The following GALNT18 variants were observed in gnomAD, a reference collection of about 807,000 sequenced individuals.
GALNT18 encodes the protein GalNAc-transferase 18.
In GALNT18, 44 loss-of-function variants were observed where a neutral mutation model predicts 69.5. That is an observed-to-expected ratio of 0.63 (90% CI 0.50 to 0.81). The LOEUF (loss-of-function observed/expected upper bound fraction) is 0.81, where lower values mean the gene tolerates loss of function less well. Among genes scored for constraint, GALNT18 ranks in the 40% least tolerant of loss-of-function variants. GALNT18 has a pLI of 0.00. For missense variants in GALNT18, 715 were observed against 810.0 expected, an observed-to-expected ratio of 0.88 and a Z score of 1.42; for synonymous variants, 364 against 318.2, an observed-to-expected ratio of 1.14 and a Z score of -1.53.
At position 11,337,741 on chromosome 11, in the gene GALNT18, G is replaced by A. The variant is rs1448614159; in HGVS notation, c.1278+3078C>T. 2.6e-5 allele frequency among the ~76,000 whole-genome samples: 4 copies of A among 152,030 alleles called. No individual in the cohort carries two copies. The highest frequency in any genetic ancestry group is 2.1e-4 in the South Asian group (1 of 4,824). ...ATTCCAAGCAGGATGAACAAGCACC[G>A]AGGTGTGAGAAACAGCATGGCATGG... On this transcript the variant is annotated intron_variant, in intron 7 of 10. Transcript: ENST00000227756. The surrounding 1 kb of genome is among the most constrained non-coding windows in gnomAD (Gnocchi z 4.9).
chr11:11,379,118 C>A lies in GALNT18; in HGVS notation c.742G>T (p.Ala248Ser). ...GWRAATAPVV[A>S]LFDAHVEFNV... ...AACTCCACGTGGGCATCAAAGAGTG[C>A]CACCACAGGGGCAGTGGCCGCCCTC... The change falls in exon 4 of 11, where the codon GCA becomes TCA. Residue 248 changes from alanine to serine, a missense_variant. By Grantham distance (99) the Ala-to-Ser change is moderately conservative. Coordinates refer to ENST00000227756, the MANE Select transcript of GALNT18 (RefSeq NM_198516.3). The A allele has an allele frequency of 2.5e-6, 4 of 1,609,820 alleles. No homozygotes were observed. The highest frequency in any genetic ancestry group is 3.4e-6 in the Non-Finnish European group (4 of 1,179,656).
Position 11,454,427 on chromosome 11 carries a change from GGAGT to G in GALNT18, c.236-5495_236-5492del, listed in dbSNP as rs1317336273. On this transcript the variant is annotated intron_variant, in intron 1 of 10. Transcript: ENST00000227756. The surrounding 1 kb of genome is among the most constrained non-coding windows in gnomAD (Gnocchi z 4.2). Reference sequence around the variant, plus strand: ...AAGTATCCAGAATAGGACTGTGCATGGAGTAATTACCCCCAAAATATAGGGAGAA... The same window carrying G: ...AAGTATCCAGAATAGGACTGTGCATGAATTACCCCCAAAATATAGGGAGAA... 1.3e-5 allele frequency among the ~76,000 whole-genome samples: 2 copies of G among 152,090 alleles called. No individual in the cohort carries two copies. Among genetic ancestry groups the G allele is most frequent in the Non-Finnish European group, 2.9e-5 (2 of 68,024 alleles).
At chr11:11,612,092 G>A (rs913380910) in intron 1 of GALNT18, among the ~76,000 whole-genome samples, 2 of 152,114 alleles carry the variant, frequency 1.3e-5, no homozygotes, top group Middle Eastern at 3.2e-3. Context: ...TTTGTAGCCA[G>A]TTTCCCTTCT....
At chr11:11,358,190 AG>A (rs1850570352) in intron 6 of GALNT18, among the ~76,000 whole-genome samples, 1 of 138,980 alleles carries the variant, frequency 7.2e-6, no homozygotes, top group African/African-American at 2.7e-5. Flanking sequence ...TTTTTACCTT[AG>A]TTTTATAGTT....
chr11:11,424,629 T>A (rs1855086387), intron 3 of GALNT18, among the ~76,000 whole-genome samples: 1 of 152,154 alleles, frequency 6.6e-6, no homozygotes, highest in Non-Finnish European at 1.5e-5. Context: ...CTGGTCACCT[T>A]GGCTAGTCTG....
At chr11:11,521,261 T>C (rs1857392675) in intron 1 of GALNT18, among the ~76,000 whole-genome samples, 2 of 152,098 alleles carry the variant, frequency 1.3e-5, no homozygotes, top group South Asian at 2.1e-4. Flanking sequence ...ACTATCTGGA[T>C]ACAAACAGGG....
chr11:11,567,984 A>T (rs1387091032), intron 1 of GALNT18, among the ~76,000 whole-genome samples: 1 of 152,188 alleles, frequency 6.6e-6, no homozygotes, highest in African/African-American at 2.4e-5. Flanking sequence ...CTTGTGACTC[A>T]CAAAGGCCTG....
Position 11,524,130 on chromosome 11 carries a change from C to T in GALNT18, c.236-75194G>A, listed in dbSNP as rs375495838. 1.3e-4 allele frequency among the ~76,000 whole-genome samples: 20 copies of T among 152,232 alleles called. No individual in the cohort carries two copies. In the East Asian group the frequency reaches 3.5e-3, roughly 26 times the overall value. The stretch of plus-strand genomic sequence containing the variant: ...CCAAGAAAGGCTAGAAATCACTTAT[C>T]TAGTAGAAGCCTGTTCTGATCAGCC... On this transcript the variant is annotated intron_variant, in intron 1 of 10. Transcript: ENST00000227756.
intron 1 of GALNT18, among the ~76,000 whole-genome samples, chr11:11,524,653 C>G (rs971097543): frequency 7.9e-5 from 12 of 152,222 alleles, no homozygotes; most frequent in African/African-American, 2.9e-4. Flanking sequence ...GCAGCCACAA[C>G]TGACTCACAC....
Position 11,582,159 on chromosome 11 carries a change from A to C in GALNT18, c.235+39200T>G, listed in dbSNP as rs985843250. On this transcript the variant is annotated intron_variant, in intron 1 of 10. Transcript: ENST00000227756. This position sits in a 1 kb window ranked among gnomAD's most constrained non-coding sequence, Gnocchi z 5.0. Reference sequence around the variant, plus strand: ...TGGGGAAGAGGGCTGAACAAAGTGAAGAGGGCATTCCCGAAAGAGGAAAGA... The same window carrying C: ...TGGGGAAGAGGGCTGAACAAAGTGACGAGGGCATTCCCGAAAGAGGAAAGA... Among the ~76,000 whole-genome samples the C allele has an allele frequency of 5.8e-4, 89 of 152,178 alleles. No individual in the cohort carries two copies. Among genetic ancestry groups the C allele is most frequent in the African/African-American group, 1.9e-3 (80 of 41,446 alleles).
chr11:11,375,189 G>C (rs765701534), intron 5 of GALNT18, among the ~76,000 whole-genome samples: 5 of 152,186 alleles, frequency 3.3e-5, no homozygotes, highest in Admixed American at 1.3e-4. Flanking sequence ...AAGGGAGCTC[G>C]GATGGGCAAG....
At chr11:11,303,426 T>G (rs1331018077) in intron 9 of GALNT18, among the ~76,000 whole-genome samples, 1 of 152,120 alleles carries the variant, frequency 6.6e-6, no homozygotes, top group Non-Finnish European at 1.5e-5. Flanking sequence ...GAACTGCCTT[T>G]CAGATACATT....
At chr11:11,378,724 C>T (rs954622577) in intron 4 of GALNT18, among the ~76,000 whole-genome samples, 7 of 152,198 alleles carry the variant, frequency 4.6e-5, no homozygotes, top group Non-Finnish European at 8.8e-5. Flanking sequence ...TCTGGCCCAG[C>T]TCTCCTTTCC....
chr11:11,293,431 C>G (rs560400805), intron 9 of GALNT18, among the ~76,000 whole-genome samples: 8 of 152,196 alleles, frequency 5.3e-5, no homozygotes, highest in East Asian at 1.9e-4. Flanking sequence ...AATAAAACAC[C>G]CTTACATATG....
intron 3 of GALNT18, 33 bp from the exon 4 acceptor site, chr11:11,379,297 AG>A: frequency 6.3e-7 from 1 of 1,591,886 alleles, no homozygotes; most frequent in East Asian, 2.2e-5. Context: ...TTAGCATGGG[AG>A]GGAGGTCAGG....
chr11:11,370,843 C>T (rs1052534156), intron 6 of GALNT18, among the ~76,000 whole-genome samples: 7 of 152,170 alleles, frequency 4.6e-5, no homozygotes, highest in South Asian at 2.1e-4. Context: ...AGAACACAAG[C>T]GAATGGAGGC....
intron 5 of GALNT18, among the ~76,000 whole-genome samples, chr11:11,376,225 T>C (rs1281900156): frequency 6.6e-6 from 1 of 151,540 alleles, no homozygotes; most frequent in East Asian, 1.9e-4. Context: ...TAGTAAAAAA[T>C]ACAAAAATCA....
At chr11:11,458,762 C>T (rs771281884) in intron 1 of GALNT18, among the ~76,000 whole-genome samples, 5 of 152,358 alleles carry the variant, frequency 3.3e-5, no homozygotes, top group Non-Finnish European at 5.9e-5. Context: ...GTCGCCTTCA[C>T]GGCCTGTGGG....
chr11:11,347,394 C>G lies in GALNT18; in HGVS notation c.1093-6390G>C, dbSNP rs114133745. Among the ~76,000 whole-genome samples, 6,012 of 152,254 alleles carry G rather than the reference C, an allele frequency of 0.039. 414 individuals carry two copies. The highest frequency in any genetic ancestry group is 0.14 in the African/African-American group (5,712 of 41,506). On this transcript the variant is annotated intron_variant, in intron 6 of 10. Coordinates refer to ENST00000227756, the MANE Select transcript of GALNT18 (RefSeq NM_198516.3). This position sits in a 1 kb window ranked among gnomAD's most constrained non-coding sequence, Gnocchi z 4.0. ...ATGACAGGGATGGCAAATGAGTTTA[C>G]ACTCCTGTGTGAAATCCATTTGCTT... is the stretch of plus-strand genomic sequence containing the variant.
Sources: allele counts gnomAD v4.1 joint callset (sites outside exome capture counted in the v4.1 genomes callset), GRCh38; gene constraint gnomAD v4.1.1; non-coding constraint Gnocchi (gnomAD v3.1); transcripts MANE v1.5; gene names NCBI Gene and HGNC (gene_info 2026-07-23, HGNC 2026-07-21).